Variants in MACROD2 observed in about 807,000 individuals in gnomAD.
MACROD2 encodes ADP-ribose glycohydrolase MACROD2.
A neutral mutation model predicts 70.4 loss-of-function variants in MACROD2; 36 were observed. That is an observed-to-expected ratio of 0.51 (90% CI 0.39 to 0.68). The LOEUF (loss-of-function observed/expected upper bound fraction) is 0.68, where lower values mean the gene tolerates loss of function less well. Among genes scored for constraint, MACROD2 ranks in the 30% least tolerant of loss-of-function variants. The probability of loss-of-function intolerance (pLI) is 0.00; values close to 1 mark genes in which losing one functional copy is unlikely to be tolerated. For missense variants in MACROD2, 496 were observed against 538.4 expected (o/e 0.92, Z 0.78); for synonymous variants, 172 against 178.8 (o/e 0.96, Z 0.30).
chr20:15,477,304 A>G (rs865931533), intron 7 of MACROD2, among the ~76,000 whole-genome samples: 8 of 152,030 alleles, frequency 5.3e-5, no homozygotes, highest in South Asian at 2.1e-4. Flanking sequence ...TATATTGCCC[A>G]GGTTGGCCTT....
intron 8 of MACROD2, among the ~76,000 whole-genome samples, chr20:15,728,624 T>G (rs1244792305): frequency 6.6e-6 from 1 of 152,184 alleles, no homozygotes; most frequent in Non-Finnish European, 1.5e-5. Flanking sequence ...GGTTCCATCT[T>G]GGGAGGTTGT....
chr20:14,707,938 T>C (rs945116591), intron 5 of MACROD2, among the ~76,000 whole-genome samples: 2 of 152,166 alleles, frequency 1.3e-5, no homozygotes, highest in African/African-American at 4.8e-5. Flanking sequence ...ATAGAGGCAA[T>C]ATAGTCTAGT....
intron 15 of MACROD2, among the ~76,000 whole-genome samples, chr20:16,013,488 G>A (rs2066890997): frequency 6.6e-6 from 1 of 152,160 alleles, no homozygotes; most frequent in African/African-American, 2.4e-5. Flanking sequence ...CTATACCTCA[G>A]TGCATATCAA....
At chr20:15,681,937 C>T (rs1253579824) in intron 8 of MACROD2, among the ~76,000 whole-genome samples, 2 of 152,098 alleles carry the variant, frequency 1.3e-5, no homozygotes, top group African/African-American at 4.8e-5. Context: ...TTGTGATTCC[C>T]AAGGTGATAG....
intron 5 of MACROD2, among the ~76,000 whole-genome samples, chr20:14,731,320 C>T (rs984235444): frequency 3.3e-5 from 5 of 152,040 alleles, no homozygotes; most frequent in Non-Finnish European, 7.4e-5. Flanking sequence ...TCATATTTGT[C>T]CTCATTATAG....
At chr20:15,122,029 C>T (rs1002039464) in intron 5 of MACROD2, among the ~76,000 whole-genome samples, 2 of 152,084 alleles carry the variant, frequency 1.3e-5, no homozygotes, top group Admixed American at 1.3e-4. Context: ...ATTTGTATTT[C>T]TCAGTTTCCC....
chr20:15,653,100 C>T (rs2049670509), intron 8 of MACROD2, among the ~76,000 whole-genome samples: 2 of 152,058 alleles, frequency 1.3e-5, no homozygotes, highest in Admixed American at 1.3e-4. Context: ...TCCTCTAGGC[C>T]CTACACACTC....
chr20:15,062,071 G>A (rs541169406), intron 5 of MACROD2, among the ~76,000 whole-genome samples: 1 of 152,274 alleles, frequency 6.6e-6, no homozygotes, highest in South Asian at 2.1e-4. Context: ...GGGTCCTAGT[G>A]GTCACTTGCT....
At chr20:15,572,224 A>G (rs2146628703) in intron 8 of MACROD2, among the ~76,000 whole-genome samples, 1 of 152,240 alleles carries the variant, frequency 6.6e-6, no homozygotes, top group Admixed American at 6.5e-5. Context: ...CCTGGAAATG[A>G]CAGCATGAAC....
chr20:15,854,966 T>C (rs1057279919), intron 8 of MACROD2, among the ~76,000 whole-genome samples: 3 of 152,210 alleles, frequency 2.0e-5, no homozygotes, highest in African/African-American at 7.2e-5. Context: ...TTCTCTTTCA[T>C]GAAGGCTGGG....
chr20:14,654,659 T>TA (rs1160301552), intron 4 of MACROD2, among the ~76,000 whole-genome samples: 1 of 152,200 alleles, frequency 6.6e-6, no homozygotes, highest in Non-Finnish European at 1.5e-5. Context: ...TTCTGCCTTT[T>TA]AAAATACAAT....
chr20:15,609,307 A>G (rs1210054328), intron 8 of MACROD2, among the ~76,000 whole-genome samples: 2 of 152,246 alleles, frequency 1.3e-5, no homozygotes, highest in Non-Finnish European at 2.9e-5. Flanking sequence ...GTTTTCTGAA[A>G]TGAGAATTGG....
At chr20:14,694,980 G>T (rs1001002531) in intron 5 of MACROD2, among the ~76,000 whole-genome samples, 1 of 152,050 alleles carries the variant, frequency 6.6e-6, no homozygotes, top group Non-Finnish European at 1.5e-5. Flanking sequence ...TCTAGCAAAC[G>T]GAGTATGTCA....
intron 17 of MACROD2, among the ~76,000 whole-genome samples, chr20:16,049,459 T>C (rs556358701): frequency 1.1e-4 from 17 of 152,164 alleles, no homozygotes; most frequent in African/African-American, 3.6e-4. Context: ...ATTATGAAAA[T>C]TGTTATTATT....
intron 4 of MACROD2, among the ~76,000 whole-genome samples, chr20:14,501,888 A>G (rs6042767): frequency 0.022 from 3,365 of 152,304 alleles, 123 homozygotes; most frequent in African/African-American, 0.076. Flanking sequence ...CAAATATTTT[A>G]AAGTTAGGAA....
chr20:14,529,366 G>C (rs2085274844), intron 4 of MACROD2, among the ~76,000 whole-genome samples: 2 of 152,272 alleles, frequency 1.3e-5, no homozygotes, highest in South Asian at 4.2e-4. Context: ...GCCACACTTA[G>C]TGTATTGGCT....
At chr20:15,351,050 A>G (rs2078221750) in intron 6 of MACROD2, among the ~76,000 whole-genome samples, 1 of 149,288 alleles carries the variant, frequency 6.7e-6, no homozygotes, top group South Asian at 2.2e-4. Flanking sequence ...TTATTATGGA[A>G]AGTGTTAACA....
At chr20:14,161,679 C>T (rs1010255627) in intron 3 of MACROD2, among the ~76,000 whole-genome samples, 9 of 150,826 alleles carry the variant, frequency 6.0e-5, no homozygotes, top group Admixed American at 3.3e-4. Context: ...CAGGTTCAAG[C>T]GATTCTCCTG....
chr20:15,006,599 C>T (rs1023666366), intron 5 of MACROD2, among the ~76,000 whole-genome samples: 3 of 152,030 alleles, frequency 2.0e-5, no homozygotes, highest in Non-Finnish European at 4.4e-5. Context: ...GTGCTGTATA[C>T]CTTGCATATA....
Sources: allele counts gnomAD v4.1 joint callset (sites outside exome capture counted in the v4.1 genomes callset), GRCh38; gene constraint gnomAD v4.1.1; transcripts MANE v1.5; gene names NCBI Gene and HGNC (gene_info 2026-07-23, HGNC 2026-07-21).